Variants in NFASC observed in about 807,000 individuals in gnomAD.
NFASC encodes neurofascin, also known as neurofascin homolog.
NFASC carries 43 observed loss-of-function variants against 147.5 expected under a neutral mutation model. The ratio of observed to expected loss-of-function variants is 0.29; its 90% CI spans 0.23 to 0.38. The LOEUF (loss-of-function observed/expected upper bound fraction) is 0.38, where lower values mean the gene tolerates loss of function less well. NFASC is among the 10% of genes least tolerant of loss of function. The probability of loss-of-function intolerance (pLI) is 1.00; values close to 1 mark genes in which losing one functional copy is unlikely to be tolerated. For missense variants in NFASC, 1,320 were observed against 1,689.0 expected, an observed-to-expected ratio of 0.78 and a Z score of 3.83; for synonymous variants, 622 against 665.5, an observed-to-expected ratio of 0.93 and a Z score of 1.01.
chr1:204,988,937 A>C, intron 23 of NFASC, 131 bp downstream of exon 23: 1 of 825,974 alleles, frequency 1.2e-6, no homozygotes, highest in Non-Finnish European at 2.0e-6. Flanking sequence ...AAGCCCTCGG[A>C]AGGTGAGAAC....
intron 2 of NFASC, among the ~76,000 whole-genome samples, chr1:204,929,828 G>A (rs1219156511): frequency 6.6e-6 from 1 of 152,136 alleles, no homozygotes; most frequent in Non-Finnish European, 1.5e-5. Flanking sequence ...TCTTTGGGAT[G>A]GGCTAGGCAT....
At chr1:204,853,837 G>A (rs773530692) in intron 1 of NFASC, among the ~76,000 whole-genome samples, 3 of 152,106 alleles carry the variant, frequency 2.0e-5, no homozygotes, top group African/African-American at 7.2e-5. Context: ...CCTACCCATC[G>A]GGGCCAGCTA....
chr1:204,885,473 C>T (rs554850860), intron 1 of NFASC, among the ~76,000 whole-genome samples: 4 of 152,260 alleles, frequency 2.6e-5, no homozygotes, highest in African/African-American at 7.2e-5. Flanking sequence ...AATTTTCCAC[C>T]CTCTTTGCCC....
At chr1:205,014,774 CAG>C (rs2096317434) in intron 29 of NFASC, among the ~76,000 whole-genome samples, 1 of 152,262 alleles carries the variant, frequency 6.6e-6, no homozygotes, top group Non-Finnish European at 1.5e-5. Flanking sequence ...TGCCTGGAAA[CAG>C]AGGAGGAATT....
intron 1 of NFASC, among the ~76,000 whole-genome samples, chr1:204,864,558 C>A (rs1002366828): frequency 7.9e-5 from 12 of 152,182 alleles, no homozygotes; most frequent in African/African-American, 2.9e-4. Context: ...TTATAGCCAT[C>A]CTCTACACAT....
intron 2 of NFASC, among the ~76,000 whole-genome samples, chr1:204,930,457 A>G (rs533264224): frequency 6.6e-6 from 1 of 152,304 alleles, no homozygotes; most frequent in South Asian, 2.1e-4. Flanking sequence ...ATGAGCTATT[A>G]AAATATCTCC....
chr1:204,925,306 A>G (rs2091293635), intron 2 of NFASC, among the ~76,000 whole-genome samples: 1 of 152,232 alleles, frequency 6.6e-6, no homozygotes, highest in African/African-American at 2.4e-5. Flanking sequence ...ACATAAGAAA[A>G]CAGAGAGAGA....
At chr1:204,842,201 C>T (rs772503581) in intron 1 of NFASC, among the ~76,000 whole-genome samples, 3 of 152,124 alleles carry the variant, frequency 2.0e-5, no homozygotes, top group Non-Finnish European at 2.9e-5. Context: ...AATGCTTCTC[C>T]CTGAGGTCTG....
At chr1:204,835,818 T>C (rs1673625908) in intron 1 of NFASC, among the ~76,000 whole-genome samples, 1 of 152,144 alleles carries the variant, frequency 6.6e-6, no homozygotes, top group Admixed American at 6.5e-5. Flanking sequence ...GGGAAAGGCC[T>C]TCTAGGATGG....
chr1:204,875,103 G>A (rs1339607705), intron 1 of NFASC, among the ~76,000 whole-genome samples: 3 of 151,742 alleles, frequency 2.0e-5, no homozygotes, highest in Non-Finnish European at 4.4e-5. Context: ...TGTTGTTGTT[G>A]TTGTTGTTTG....
At chr1:204,865,961 C>A (rs1001104605) in intron 1 of NFASC, among the ~76,000 whole-genome samples, 1 of 152,190 alleles carries the variant, frequency 6.6e-6, no homozygotes, top group African/African-American at 2.4e-5. Context: ...TTGTACCACA[C>A]CCTTATCAAT....
intron 26 of NFASC, 52 bp downstream of exon 26, chr1:205,001,338 G>T: frequency 8.8e-7 from 1 of 1,140,700 alleles, no homozygotes; most frequent in African/African-American, 1.5e-5. Context: ...CGGCAGCAGC[G>T]GCGGGTAGTG....
chr1:204,844,302 G>T (rs1223557509), intron 1 of NFASC, among the ~76,000 whole-genome samples: 1 of 152,218 alleles, frequency 6.6e-6, no homozygotes, highest in Admixed American at 6.5e-5. Context: ...TTTGCCTAGT[G>T]CCTGGTAAAG....
In NFASC at chr1:204,979,410, A is replaced by G. The variant is rs756665245; in HGVS notation, c.2027A>G (p.His676Arg). 6.2e-7 allele frequency: 1 copy of G among 1,614,166 alleles called. No individual in the cohort carries two copies. The highest frequency in any genetic ancestry group is 1.1e-5 in the South Asian group (1 of 91,086). The change falls in exon 19 of 30, where the codon CAT (histidine) becomes CGT (arginine). Residue 676 changes from histidine (H) to arginine (R), a missense_variant. This residue lies in a region of NFASC where 981 missense variants were observed against 1,289.5 expected (regional missense o/e 0.76). Transcript: ENST00000339876. The surrounding 1 kb of genome is among the most constrained non-coding windows in gnomAD (Gnocchi z 6.0). The stretch of plus-strand genomic sequence containing the variant: ...GACCAGTTCCAACCTGGGGTCTGGC[A>G]TGACCATTCCAAGTACCCCGGCAGC... ...EEDQFQPGVWHDHSKYPGSVN... is the reference protein window; with the variant it reads ...EEDQFQPGVWRDHSKYPGSVN...
rs193016996 is a variant in NFASC at position 204,923,486 on chromosome 1, C to G, written c.-91+2746C>G. Among the ~76,000 whole-genome samples, 190 of 152,234 alleles carry G rather than the reference C, an allele frequency of 1.2e-3. 1 individual carries two copies. The highest frequency in any genetic ancestry group is 4.5e-3 in the African/African-American group (186 of 41,534). On this transcript the variant is annotated intron_variant, in intron 2 of 29. Transcript: ENST00000339876. ...CAAGGCAGAGAAACCACTGAGCTTC[C>G]CCAGGCCTTCAATTTCCCAAAAGGA...
intron 23 of NFASC, chr1:204,989,443 G>C (rs1408953591): frequency 6.5e-6 from 1 of 153,194 alleles, no homozygotes; most frequent in Non-Finnish European, 1.5e-5. Flanking sequence ...TCATCTGGCA[G>C]CATTTCAGCC....
rs532026991 is a variant in NFASC at position 204,926,981 on chromosome 1, A to G, written c.-91+6241A>G. On this transcript the variant is annotated intron_variant, in intron 2 of 29. Coordinates refer to ENST00000339876, the MANE Select transcript of NFASC (RefSeq NM_001005388.3). Reference sequence around the variant, plus strand: ...TCCCAGCTACTCGGGAGACTGAGGCAGGAGAATCGCTTGAACCCTGGAGGC... The same window carrying G: ...TCCCAGCTACTCGGGAGACTGAGGCGGGAGAATCGCTTGAACCCTGGAGGC... Among the ~76,000 whole-genome samples the G allele has an allele frequency of 5.3e-5, 8 of 152,240 alleles. No individual in the cohort carries two copies. The South Asian group carries it at 1.7e-3, about 32-fold the overall frequency.
chr1:204,932,527 A>G (rs2092455594), intron 2 of NFASC, among the ~76,000 whole-genome samples: 1 of 152,222 alleles, frequency 6.6e-6, no homozygotes, highest in Admixed American at 6.5e-5. Flanking sequence ...TTAAAAAAAA[A>G]AAAGAATTTC....
chr1:204,888,830 A>G (rs564166207), intron 1 of NFASC, among the ~76,000 whole-genome samples: 2 of 152,306 alleles, frequency 1.3e-5, no homozygotes, highest in African/African-American at 4.8e-5. Flanking sequence ...GAAACAGCCA[A>G]TTACATGGGT....
Sources: gnomAD v4.1 joint callset for allele counts (sites outside exome capture counted in the v4.1 genomes callset) on GRCh38, gnomAD v4.1.1 for gene constraint, gnomAD v4.1.1 regional missense constraint, Gnocchi (gnomAD v3.1) non-coding constraint, MANE v1.5 for transcripts, NCBI Gene and HGNC (gene_info 2026-07-23, HGNC 2026-07-21) for gene names.